NTRK3: variants seen among roughly 807,000 people sequenced by gnomAD.
NTRK3 encodes NT-3 growth factor receptor.
Under a neutral mutation model 91.7 loss-of-function variants are expected in NTRK3, and 24 were observed. The observed-to-expected ratio is 0.26, with a 90% confidence interval of 0.19 to 0.37. The LOEUF is 0.37. Among genes scored for constraint, NTRK3 ranks in the 10% least tolerant of loss-of-function variants. The pLI is 1.00. For missense variants in NTRK3, 880 were observed against 1,068.9 expected, an observed-to-expected ratio of 0.82 and a Z score of 2.46; for synonymous variants, 483 against 404.0, an observed-to-expected ratio of 1.20 and a Z score of -2.34.
intron 14 of NTRK3, among the ~76,000 whole-genome samples, chr15:88,028,046 T>G (rs920320006): frequency 1.2e-4 from 18 of 149,774 alleles, no homozygotes; most frequent in Admixed American, 4.0e-4. Context: ...GGAGTGAGGG[T>G]GAGGAGGGAA....
At chr15:88,225,407 A>G (rs2050587354) in intron 3 of NTRK3, among the ~76,000 whole-genome samples, 1 of 152,152 alleles carries the variant, frequency 6.6e-6, no homozygotes, top group Non-Finnish European at 1.5e-5. Flanking sequence ...GAAGCCACCC[A>G]TCCCACCTCC....
chr15:88,221,583 G>T (rs2050240193), intron 3 of NTRK3, among the ~76,000 whole-genome samples: 1 of 152,152 alleles, frequency 6.6e-6, no homozygotes, highest in Non-Finnish European at 1.5e-5. Flanking sequence ...TTGAGCCCAG[G>T]AGTTTGAGAC....
intron 14 of NTRK3, among the ~76,000 whole-genome samples, chr15:87,953,728 T>C (rs1228247491): frequency 6.6e-6 from 1 of 152,194 alleles, no homozygotes; most frequent in Non-Finnish European, 1.5e-5. Context: ...TTCTATGCTC[T>C]GCAGAAGGAC....
chr15:87,935,194 G>C (rs1356944694), intron 15 of NTRK3, among the ~76,000 whole-genome samples: 2 of 152,130 alleles, frequency 1.3e-5, no homozygotes, highest in African/African-American at 4.8e-5. Context: ...AGGAATAAAA[G>C]GACATGGAAG....
exon 19 of NTRK3, chr15:87,875,088 T>A (rs1160589876): frequency 4.3e-6 from 1 of 230,612 alleles, no homozygotes; most frequent in Non-Finnish European, 8.6e-6. Flanking sequence ...AATTCAGTAC[T>A]AAACCCCACA....
intron 3 of NTRK3, among the ~76,000 whole-genome samples, chr15:88,247,987 A>C (rs1052946654): frequency 1.3e-5 from 2 of 152,152 alleles, no homozygotes; most frequent in Non-Finnish European, 2.9e-5. Flanking sequence ...TGCACCCAGA[A>C]ATGCTCCTGG....
At chr15:87,953,488 C>T (rs1030600892) in intron 14 of NTRK3, among the ~76,000 whole-genome samples, 8 of 152,206 alleles carry the variant, frequency 5.3e-5, no homozygotes, top group African/African-American at 1.9e-4. Context: ...CTGGGAAGAT[C>T]CCAGACATTG....
chr15:88,179,103 A>G (rs570895172), intron 5 of NTRK3, among the ~76,000 whole-genome samples: 1 of 152,352 alleles, frequency 6.6e-6, no homozygotes, highest in South Asian at 2.1e-4. Flanking sequence ...CTCCTAACTT[A>G]GAGTTACTGT....
intron 16 of NTRK3, among the ~76,000 whole-genome samples, chr15:87,931,896 A>G (rs2068829666): frequency 6.6e-6 from 1 of 152,200 alleles, no homozygotes; most frequent in Admixed American, 6.5e-5. Flanking sequence ...GAACTTTGGA[A>G]ATCTTATCCT....
chr15:87,964,078 A>G (rs141325071), intron 14 of NTRK3, among the ~76,000 whole-genome samples: 376 of 152,350 alleles, frequency 2.5e-3, no homozygotes, highest in Non-Finnish European at 4.2e-3. Flanking sequence ...ATTATCCTAA[A>G]AAGTGCACAA....
intron 17 of NTRK3, among the ~76,000 whole-genome samples, chr15:87,925,221 A>C (rs1280612509): frequency 6.6e-6 from 1 of 152,208 alleles, no homozygotes; most frequent in East Asian, 1.9e-4. Context: ...CTGGTGTGGG[A>C]ACATTTGTTT....
chr15:88,192,504 C>T (rs2047489923), intron 3 of NTRK3, among the ~76,000 whole-genome samples: 1 of 152,186 alleles, frequency 6.6e-6, no homozygotes, highest in South Asian at 2.1e-4. Flanking sequence ...TACCTGGCCT[C>T]CCTGCTTTCC....
At chr15:87,898,290 C>G (rs1235395839) in intron 17 of NTRK3, among the ~76,000 whole-genome samples, 2 of 152,182 alleles carry the variant, frequency 1.3e-5, no homozygotes, top group Non-Finnish European at 2.9e-5. Context: ...AGAAGTTAAT[C>G]TATTGCCGCA....
intron 14 of NTRK3, among the ~76,000 whole-genome samples, chr15:87,991,343 G>C (rs1208783134): frequency 6.6e-6 from 1 of 152,142 alleles, no homozygotes; most frequent in African/African-American, 2.4e-5. Flanking sequence ...ACCGGATTGG[G>C]ATCTGCATTT....
chr15:88,168,636 ACTGCCTCCTGCAGGGAGT>A (rs2045220081), intron 5 of NTRK3, among the ~76,000 whole-genome samples: 1 of 152,198 alleles, frequency 6.6e-6, no homozygotes, highest in Non-Finnish European at 1.5e-5. Flanking sequence ...GGGGAGCCCC[ACTGCCTCCTGCAGGGAGT>A]GAGCTGCCCA....
In NTRK3 at chr15:88,100,990, T is replaced by G. The variant is rs551070868; in HGVS notation, c.1396+25281A>C. On this transcript the variant is annotated intron_variant, in intron 13 of 18. Coordinates refer to ENST00000394480, the Ensembl canonical transcript of NTRK3. Reference sequence around the variant, plus strand: ...TCATGTCTAAAACACCAAAAGCAATTGCAACAAAAGCCAAAATTGACAAAT... The same window carrying G: ...TCATGTCTAAAACACCAAAAGCAATGGCAACAAAAGCCAAAATTGACAAAT... 3.4e-3 allele frequency among the ~76,000 whole-genome samples: 512 copies of G among 152,056 alleles called. 1 individual carries two copies. Among genetic ancestry groups the G allele is most frequent in the Non-Finnish European group, 5.5e-3 (376 of 67,986 alleles).
intron 3 of NTRK3, among the ~76,000 whole-genome samples, chr15:88,197,943 G>C (rs2047973581): frequency 6.6e-6 from 1 of 152,194 alleles, no homozygotes; most frequent in South Asian, 2.1e-4. Flanking sequence ...TCACTGACAA[G>C]CTAGGTGATC....
chr15:87,870,812 A>G (rs2141408224), exon 19 of NTRK3: 1 of 223,648 alleles, frequency 4.5e-6, no homozygotes, highest in Non-Finnish European at 8.9e-6. Flanking sequence ...GCCTTTCCTC[A>G]CCTCTGTTAT....
At chr15:87,903,708 A>T (rs2066588182) in intron 17 of NTRK3, among the ~76,000 whole-genome samples, 1 of 152,200 alleles carries the variant, frequency 6.6e-6, no homozygotes, top group South Asian at 2.1e-4. Flanking sequence ...TACCCTGTAC[A>T]TTCACAGGCA....
Sources: gnomAD v4.1 joint callset for allele counts (sites outside exome capture counted in the v4.1 genomes callset) on GRCh38, gnomAD v4.1.1 for gene constraint, MANE v1.5 for transcripts, NCBI Gene and HGNC (gene_info 2026-07-23, HGNC 2026-07-21) for gene names.